ARL15: variants seen among roughly 807,000 people sequenced by gnomAD.
ARL15 encodes ARF like GTPase 15, also known as ADP-ribosylation factor-like protein 15.
Under a neutral mutation model 25.2 loss-of-function variants are expected in ARL15, and 19 were observed. That is an observed-to-expected ratio of 0.75 (90% CI 0.53 to 1.10). The LOEUF is 1.10. ARL15 is among the 50% of genes least tolerant of loss of function. The pLI is 0.00. For synonymous variants in ARL15, 94 were observed against 86.8 expected, an observed-to-expected ratio of 1.08 and a Z score of -0.46; for missense variants, 220 against 246.0, an observed-to-expected ratio of 0.89 and a Z score of 0.71.
intron 4 of ARL15, among the ~76,000 whole-genome samples, chr5:53,963,707 C>A (rs1008015593): frequency 6.6e-6 from 1 of 151,750 alleles, no homozygotes; most frequent in African/African-American, 2.4e-5. Context: ...TCTCGGGAGG[C>A]TGAGGCAGGA....
intron 3 of ARL15, among the ~76,000 whole-genome samples, chr5:54,125,070 G>GTTTTTTTTTTTTTTTTTTTT (rs1753203668): frequency 7.4e-6 from 1 of 135,948 alleles, no homozygotes; most frequent in African/African-American, 2.9e-5. Flanking sequence ...CAAGTTTTTT[G>GTTTTTTTTTTTTTTTTTTTT]TTTTGTTTTG....
intron 1 of ARL15, among the ~76,000 whole-genome samples, chr5:54,199,260 C>A (rs546189499): frequency 1.3e-5 from 2 of 152,002 alleles, no homozygotes; most frequent in Non-Finnish European, 2.9e-5. Context: ...GTCTAGAACA[C>A]CAAAAGCAAT....
intron 4 of ARL15, among the ~76,000 whole-genome samples, chr5:54,017,459 G>A (rs565538737): frequency 1.3e-5 from 2 of 151,988 alleles, no homozygotes; most frequent in Non-Finnish European, 2.9e-5. Flanking sequence ...CTGCAGCCAC[G>A]ATTCTCTAGG....
At chr5:54,078,676 A>G (rs966097012) in intron 4 of ARL15, among the ~76,000 whole-genome samples, 2 of 149,334 alleles carry the variant, frequency 1.3e-5, no homozygotes, top group Non-Finnish European at 1.5e-5. Flanking sequence ...TCGCTAAAGT[A>G]ACATTGACTG....
intron 4 of ARL15, among the ~76,000 whole-genome samples, chr5:53,892,802 C>T (rs1294475979): frequency 1.3e-5 from 2 of 151,874 alleles, no homozygotes; most frequent in Non-Finnish European, 2.9e-5. Flanking sequence ...GACATTATCT[C>T]ATTATTTTGT....
At chr5:54,282,513 C>G in intron 1 of ARL15, 1 of 985,390 alleles carries the variant, frequency 1.0e-6, no homozygotes, top group South Asian at 4.7e-5. Flanking sequence ...ATAATAAAGT[C>G]TGGGGCATGT....
rs76011301 is a variant in ARL15, at chr5:54,185,548, C to A, written c.49-13620G>T. ...ATGAGTGTCTGACCAAGCCACATGG[C>A]CAGATGTGCTCCCCAGTGATGTGCG... On this transcript the variant is annotated intron_variant, in intron 1 of 4. Coordinates refer to ENST00000504924, the MANE Select transcript of ARL15 (RefSeq NM_019087.3). 4.9e-3 allele frequency among the ~76,000 whole-genome samples: 748 copies of A among 152,252 alleles called. 5 individuals are homozygous for A. Among genetic ancestry groups the A allele is most frequent in the African/African-American group, 0.017 (709 of 41,544 alleles).
At chr5:54,084,298 T>C (rs138078594) in intron 4 of ARL15, among the ~76,000 whole-genome samples, 4 of 152,092 alleles carry the variant, frequency 2.6e-5, no homozygotes, top group African/African-American at 7.2e-5. Flanking sequence ...CCACAGATGG[T>C]TCCTGATAGA....
chr5:54,077,229 T>C (rs765363654), intron 4 of ARL15, among the ~76,000 whole-genome samples: 8 of 152,198 alleles, frequency 5.3e-5, no homozygotes, highest in Non-Finnish European at 1.0e-4. Context: ...TATTTAAGGA[T>C]ATCTACTACT....
chr5:53,930,577 G>C lies in ARL15; in HGVS notation c.463-43864C>G, dbSNP rs1746166021. On this transcript the variant is annotated intron_variant, in intron 4 of 4. Transcript: ENST00000504924. ...AGGCAGAGGTATTGTCTTGGGATTA[G>C]AGATCATTTCAAAGCGAAGTCATTA... Among the ~76,000 whole-genome samples the C allele has an allele frequency of 2.0e-5, 3 of 152,128 alleles. 1 individual carries two copies. The South Asian group carries it at 6.2e-4, about 32-fold the overall frequency.
At chr5:54,166,013 T>C (rs930096506) in intron 2 of ARL15, among the ~76,000 whole-genome samples, 2 of 152,126 alleles carry the variant, frequency 1.3e-5, no homozygotes, top group African/African-American at 4.8e-5. Flanking sequence ...ATTTAAGTAT[T>C]AAGTTCATCC....
intron 4 of ARL15, among the ~76,000 whole-genome samples, chr5:54,056,406 C>A (rs554894287): frequency 6.6e-6 from 1 of 151,666 alleles, no homozygotes; most frequent in African/African-American, 2.4e-5. Flanking sequence ...CTGAGGTGAG[C>A]GGATCACCTG....
At chr5:54,282,603 T>C (rs913766870) in intron 1 of ARL15, 12 of 974,410 alleles carry the variant, frequency 1.2e-5, no homozygotes, top group African/African-American at 7.0e-5. Flanking sequence ...CTTATTGTAA[T>C]GGTTTAATTT....
At chr5:54,076,434 A>AC (rs964346080) in intron 4 of ARL15, among the ~76,000 whole-genome samples, 21 of 149,454 alleles carry the variant, frequency 1.4e-4, no homozygotes, top group African/African-American at 3.9e-4. Context: ...AAAAAAAAAA[A>AC]GAAAAAGAAA....
intron 3 of ARL15, among the ~76,000 whole-genome samples, chr5:54,141,698 A>T (rs1254344000): frequency 2.0e-5 from 3 of 151,990 alleles, no homozygotes; most frequent in African/African-American, 7.2e-5. Flanking sequence ...TCTCTCTTTC[A>T]CTTATTGCCA....
intron 3 of ARL15, among the ~76,000 whole-genome samples, chr5:54,149,261 T>C (rs978709707): frequency 6.6e-6 from 1 of 152,178 alleles, no homozygotes; most frequent in African/African-American, 2.4e-5. Flanking sequence ...GATCATTTGA[T>C]ATTAACGCAC....
chr5:53,974,801 G>C (rs1435217644), intron 4 of ARL15, among the ~76,000 whole-genome samples: 1 of 152,166 alleles, frequency 6.6e-6, no homozygotes, highest in African/African-American at 2.4e-5. Context: ...TTAAAATCTG[G>C]TTGAATCTTG....
At chr5:53,935,185 A>T (rs139237844) in intron 4 of ARL15, among the ~76,000 whole-genome samples, 1 of 152,218 alleles carries the variant, frequency 6.6e-6, no homozygotes, top group Non-Finnish European at 1.5e-5. Flanking sequence ...ATACAAGCCA[A>T]TTGGGTGCTA....
chr5:53,927,738 A>G (rs1435982259), intron 4 of ARL15, among the ~76,000 whole-genome samples: 2 of 152,156 alleles, frequency 1.3e-5, no homozygotes, highest in Non-Finnish European at 2.9e-5. Context: ...AGGATGAAGG[A>G]TCAAGTATAG....
Sources: allele counts gnomAD v4.1 joint callset (sites outside exome capture counted in the v4.1 genomes callset), GRCh38; gene constraint gnomAD v4.1.1; transcripts MANE v1.5; gene names NCBI Gene and HGNC (gene_info 2026-07-23, HGNC 2026-07-21).